RIN2: variants seen among roughly 807,000 people sequenced by gnomAD.
RIN2 encodes Ras and Rab interactor 2.
RIN2 carries 36 observed loss-of-function variants against 78.0 expected under a neutral mutation model. That is an observed-to-expected ratio of 0.46 (90% CI 0.35 to 0.61). RIN2 has a LOEUF of 0.61. RIN2 is among the 20% of genes least tolerant of loss of function. The pLI, the probability that RIN2 is intolerant of heterozygous loss-of-function variation, is 0.00. For missense variants in RIN2, 1,087 were observed against 1,159.7 expected (o/e 0.94, Z 0.91); for synonymous variants, 466 against 466.8 (o/e 1.00, Z 0.02).
rs556483559 is a variant in RIN2 at position 19,899,624 on chromosome 20, G to A, written c.57+9966G>A. Among the ~76,000 whole-genome samples the A allele has an allele frequency of 1.7e-4, 26 of 152,218 alleles. No individual in the cohort carries two copies. In the East Asian group the frequency reaches 5.0e-3, roughly 30 times the overall value. On this transcript the variant is annotated intron_variant, in intron 3 of 12. Coordinates refer to ENST00000255006, the MANE Select transcript of RIN2 (RefSeq NM_018993.4). ...GCCAGGGTCATAGTCTCATCTGAAG[G>A]CTTGACTGGTGAGGAATCCACTTAC...
intron 9 of RIN2, among the ~76,000 whole-genome samples, chr20:19,981,620 A>G (rs148994216): frequency 1.8e-3 from 278 of 152,342 alleles, no homozygotes; most frequent in African/African-American, 6.3e-3. Context: ...CCCTACATCA[A>G]ATATCACACA....
chr20:19,841,789 A>G (rs995185769), intron 2 of RIN2, among the ~76,000 whole-genome samples: 1 of 152,216 alleles, frequency 6.6e-6, no homozygotes, highest in Non-Finnish European at 1.5e-5. Context: ...GCTGCAGAAG[A>G]AAAGTTTGAA....
At chr20:19,844,633 C>G (rs920656063) in intron 2 of RIN2, among the ~76,000 whole-genome samples, 3 of 130,910 alleles carry the variant, frequency 2.3e-5, no homozygotes, top group Admixed American at 7.6e-5. Flanking sequence ...TCTTCTTCTT[C>G]TTCTTCTTCT....
intron 3 of RIN2, among the ~76,000 whole-genome samples, chr20:19,920,664 A>C (rs1228710591): frequency 6.6e-6 from 1 of 152,108 alleles, no homozygotes; most frequent in African/African-American, 2.4e-5. Context: ...TTTCAAACAT[A>C]GTTCTTTTGT....
Position 19,956,768 on chromosome 20 carries a change from G to A in RIN2, c.312G>A (p.Glu104=), listed in dbSNP as rs1437501778. Residue 104 remains glutamate (E), a synonymous_variant, in exon 5 of 13, where the codon GAG becomes GAA. Coordinates refer to ENST00000255006, the MANE Select transcript of RIN2 (RefSeq NM_018993.4). ...HPIWLQLSLS[E]EEAAEVLQAQ... Reference sequence around the variant, plus strand: ...TATGGCTGCAGCTGAGTCTGAGTGAGGAGGAGGCAGCAGAGGTCCTGCAGG... The same window carrying A: ...TATGGCTGCAGCTGAGTCTGAGTGAAGAGGAGGCAGCAGAGGTCCTGCAGG... The A allele has an allele frequency of 1.2e-6, 2 of 1,601,886 alleles. No individual in the cohort carries two copies. The highest frequency in any genetic ancestry group is 1.7e-6 in the Non-Finnish European group (2 of 1,173,956).
chr20:19,946,496 T>C (rs1044613383), intron 4 of RIN2, among the ~76,000 whole-genome samples: 2 of 151,990 alleles, frequency 1.3e-5, no homozygotes, highest in African/African-American at 4.8e-5. Flanking sequence ...GGTGGGAGGA[T>C]TGATTGAGAC....
intron 7 of RIN2, among the ~76,000 whole-genome samples, chr20:19,966,864 G>T (rs1218909362): frequency 1.3e-5 from 2 of 152,028 alleles, no homozygotes; most frequent in African/African-American, 4.8e-5. Flanking sequence ...GAAATGTGCT[G>T]CCCAAAGAGA....
At chr20:19,935,032 C>T in intron 3 of RIN2, 67 bp from the exon 4 acceptor site, 1 of 1,198,278 alleles carries the variant, frequency 8.3e-7, no homozygotes, top group South Asian at 1.3e-5. Context: ...GCCTGAGTTC[C>T]CCGGGCGCTG....
At chr20:19,813,489 TTCTCCTAA>T (rs1251369738) in intron 2 of RIN2, among the ~76,000 whole-genome samples, 1 of 152,244 alleles carries the variant, frequency 6.6e-6, no homozygotes, top group Non-Finnish European at 1.5e-5. Flanking sequence ...GCAGAGTACT[TTCTCCTAA>T]GAGGCTTCCA....
intron 2 of RIN2, among the ~76,000 whole-genome samples, chr20:19,856,085 A>G (rs1215728602): frequency 1.3e-5 from 2 of 152,204 alleles, no homozygotes; most frequent in African/African-American, 2.4e-5. Context: ...AACAAAAAAA[A>G]AGAAGAAAAA....
intron 2 of RIN2, among the ~76,000 whole-genome samples, chr20:19,858,522 G>T (rs117630241): frequency 6.6e-6 from 1 of 152,116 alleles, no homozygotes; most frequent in Non-Finnish European, 1.5e-5. Context: ...AACCTCTTCC[G>T]TGCTCACAGC....
intron 2 of RIN2, among the ~76,000 whole-genome samples, chr20:19,833,296 T>TATATATATATATATATA (rs1568794611): frequency 1.3e-5 from 2 of 152,030 alleles, no homozygotes; most frequent in African/African-American, 4.8e-5. Context: ...TATATATATA[T>TATATATATATATATATA]TTTAACTTTA....
At chr20:19,906,331 C>T (rs1187113370) in intron 3 of RIN2, among the ~76,000 whole-genome samples, 1 of 152,116 alleles carries the variant, frequency 6.6e-6, no homozygotes, top group Admixed American at 6.6e-5. Flanking sequence ...CACCTGTAGC[C>T]CTAGCTACCC....
chr20:19,789,079 AAC>A (rs1209447247), intron 1 of RIN2, among the ~76,000 whole-genome samples: 1 of 152,244 alleles, frequency 6.6e-6, no homozygotes, highest in Non-Finnish European at 1.5e-5. Flanking sequence ...AGGTAAATGG[AAC>A]AGAAGTGAGA....
At position 19,981,114 on chromosome 20, in the gene RIN2, T is replaced by C. The variant is rs2146345752; in HGVS notation, c.1762+5327T>C. Among the ~76,000 whole-genome samples the C allele has an allele frequency of 1.3e-5, 2 of 152,330 alleles. 1 individual carries two copies. The highest frequency in any genetic ancestry group is 4.1e-4 in the South Asian group (2 of 4,830). The stretch of plus-strand genomic sequence containing the variant: ...TCCGAATGCCTTGGGAGGCTCCATT[T>C]ATTGCCCTCACTTCTATAGATGAAG... On this transcript the variant is annotated intron_variant, in intron 9 of 12. Coordinates refer to ENST00000255006, the MANE Select transcript of RIN2 (RefSeq NM_018993.4).
intron 2 of RIN2, among the ~76,000 whole-genome samples, chr20:19,809,959 A>T (rs909503740): frequency 3.9e-5 from 6 of 152,088 alleles, no homozygotes; most frequent in African/African-American, 1.4e-4. Context: ...GGCCGCTGCG[A>T]CCACTGAGAT....
At chr20:19,955,120 T>TC (rs929209734) in intron 4 of RIN2, among the ~76,000 whole-genome samples, 7 of 152,088 alleles carry the variant, frequency 4.6e-5, no homozygotes, top group East Asian at 1.9e-4. Flanking sequence ...CTCTTTTCTC[T>TC]CCCCCATTCT....
intron 2 of RIN2, among the ~76,000 whole-genome samples, chr20:19,838,019 C>A (rs1166915865): frequency 6.6e-6 from 1 of 152,166 alleles, no homozygotes; most frequent in African/African-American, 2.4e-5. Flanking sequence ...CTGGCTAAAA[C>A]AGTCACTTCA....
intron 2 of RIN2, among the ~76,000 whole-genome samples, chr20:19,822,077 T>A (rs1037648543): frequency 2.6e-5 from 4 of 152,204 alleles, no homozygotes; most frequent in Non-Finnish European, 5.9e-5. Flanking sequence ...CTCCAGAATC[T>A]TCAGACCCAT....
Sources: gnomAD v4.1 joint callset for allele counts (sites outside exome capture counted in the v4.1 genomes callset) on GRCh38, gnomAD v4.1.1 for gene constraint, MANE v1.5 for transcripts, NCBI Gene and HGNC (gene_info 2026-07-23, HGNC 2026-07-21) for gene names.